Variants in PGM5 observed in about 807,000 individuals in gnomAD.
PGM5 encodes the protein phosphoglucomutase-like protein 5.
Under a neutral mutation model 59.2 loss-of-function variants are expected in PGM5, and 23 were observed. The observed-to-expected ratio is 0.39, with a 90% confidence interval of 0.28 to 0.55. PGM5 has a LOEUF of 0.55. Ranked by LOEUF, PGM5 falls within the 20% of genes least tolerant of loss-of-function variation. PGM5 has a pLI of 0.66. For synonymous variants in PGM5, 214 were observed against 286.0 expected (o/e 0.75, Z 2.54); for missense variants, 574 against 748.3 (o/e 0.77, Z 2.72).
intron 6 of PGM5, among the ~76,000 whole-genome samples, chr9:68,410,977 G>A (rs1378108796): frequency 6.6e-6 from 1 of 152,186 alleles, no homozygotes; most frequent in Admixed American, 6.5e-5. Context: ...ATTTCCTCAT[G>A]GAAAGGCCCC....
intron 6 of PGM5, among the ~76,000 whole-genome samples, chr9:68,435,884 T>C (rs982387006): frequency 1.4e-4 from 21 of 152,236 alleles, no homozygotes; most frequent in Admixed American, 7.9e-4. Flanking sequence ...CTTGTCACTC[T>C]TACTGCCACA....
intron 6 of PGM5, among the ~76,000 whole-genome samples, chr9:68,401,885 A>ATG (rs782427625): frequency 5.8e-5 from 6 of 104,136 alleles, no homozygotes; most frequent in Admixed American, 2.7e-4. Flanking sequence ...AGCTATATAT[A>ATG]TATATGTGTG....
intron 6 of PGM5, among the ~76,000 whole-genome samples, chr9:68,423,629 A>ATCTCTCTCTCTCTCTCTC (rs368417025): frequency 6.2e-5 from 8 of 129,442 alleles, no homozygotes; most frequent in African/African-American, 2.3e-4. Flanking sequence ...AGAGCACAAA[A>ATCTCTCTCTCTCTCTCTC]TCTCTCTCTC....
intron 10 of PGM5, among the ~76,000 whole-genome samples, chr9:68,525,907 T>G (rs1824965073): frequency 6.6e-6 from 1 of 151,882 alleles, no homozygotes; most frequent in Non-Finnish European, 1.5e-5. Context: ...ATACAAAAAA[T>G]TATCCGAGCA....
chr9:68,358,223 C>T (rs1342997261), intron 1 of PGM5, among the ~76,000 whole-genome samples: 1 of 152,208 alleles, frequency 6.6e-6, no homozygotes, highest in Non-Finnish European at 1.5e-5. Context: ...CATTTCATGC[C>T]TCTTCCCCTT....
chr9:68,482,300 T>C (rs1554687178), intron 8 of PGM5, among the ~76,000 whole-genome samples: 1 of 152,126 alleles, frequency 6.6e-6, no homozygotes, highest in Admixed American at 6.5e-5. Flanking sequence ...TTCTCCTTGG[T>C]TGGGTCTTTA....
chr9:68,368,638 G>T (rs1311904256), intron 1 of PGM5, among the ~76,000 whole-genome samples: 1 of 147,174 alleles, frequency 6.8e-6, no homozygotes, highest in Non-Finnish European at 1.5e-5. Flanking sequence ...TAGTTTTTAG[G>T]TTTTTTTTTT....
chr9:68,372,280 C>T (rs1474709875), intron 1 of PGM5, among the ~76,000 whole-genome samples: 9 of 146,134 alleles, frequency 6.2e-5, no homozygotes, highest in East Asian at 4.1e-4. Context: ...AATCTGCTCC[C>T]GCCTCTTCCA....
At chr9:68,447,772 T>C (rs945745626) in intron 6 of PGM5, among the ~76,000 whole-genome samples, 3 of 152,188 alleles carry the variant, frequency 2.0e-5, no homozygotes, top group Admixed American at 1.3e-4. Flanking sequence ...TAAGAACATC[T>C]TGGCATGATT....
intron 8 of PGM5, among the ~76,000 whole-genome samples, chr9:68,480,221 A>G (rs1341073565): frequency 6.6e-6 from 1 of 152,212 alleles, no homozygotes; most frequent in African/African-American, 2.4e-5. Context: ...TTTTCCATTC[A>G]TATTTATCAA....
intron 6 of PGM5, among the ~76,000 whole-genome samples, chr9:68,413,412 C>T (rs1369668611): frequency 6.6e-6 from 1 of 152,122 alleles, no homozygotes; most frequent in Non-Finnish European, 1.5e-5. Context: ...TGCAAACACA[C>T]AGACTCACAC....
chr9:68,454,133 G>A (rs1265490931), intron 6 of PGM5, among the ~76,000 whole-genome samples: 1 of 152,168 alleles, frequency 6.6e-6, no homozygotes, highest in Non-Finnish European at 1.5e-5. Context: ...TAGACAGAAG[G>A]AGGAGAATGC....
intron 6 of PGM5, among the ~76,000 whole-genome samples, chr9:68,408,714 C>T (rs1160569791): frequency 8.5e-5 from 13 of 152,180 alleles, no homozygotes; most frequent in Non-Finnish European, 1.6e-4. Flanking sequence ...TTAGGTCGAA[C>T]GTTTAAGTCT....
chr9:68,528,111 C>G (rs550099722), intron 10 of PGM5, among the ~76,000 whole-genome samples: 9 of 152,314 alleles, frequency 5.9e-5, no homozygotes, highest in African/African-American at 2.2e-4. Flanking sequence ...AATTCCTCTC[C>G]CCCTCCCAAA....
chr9:68,460,344 C>T (rs1363891421), intron 6 of PGM5, among the ~76,000 whole-genome samples: 1 of 152,142 alleles, frequency 6.6e-6, no homozygotes, highest in African/African-American at 2.4e-5. Context: ...ATGTCAGCAC[C>T]CCTGTGCTTA....
chr9:68,403,714 T>G (rs554554219), intron 6 of PGM5, among the ~76,000 whole-genome samples: 1 of 152,272 alleles, frequency 6.6e-6, no homozygotes, highest in East Asian at 1.9e-4. Context: ...TATTCCTTAT[T>G]TGTGAGGGCA....
intron 1 of PGM5, among the ~76,000 whole-genome samples, chr9:68,361,660 T>G (rs2131971378): frequency 6.6e-6 from 1 of 152,346 alleles, no homozygotes; most frequent in Non-Finnish European, 1.5e-5. Flanking sequence ...GGGCCTCTTT[T>G]ATAAGGGCAC....
At chr9:68,408,193 T>C (rs1327627748) in intron 6 of PGM5, among the ~76,000 whole-genome samples, 1 of 151,986 alleles carries the variant, frequency 6.6e-6, no homozygotes, top group Non-Finnish European at 1.5e-5. Flanking sequence ...ATGTGAAATG[T>C]GAGATTTGGA....
chr9:68,382,482 C>T (rs1262955626), intron 2 of PGM5, among the ~76,000 whole-genome samples: 14 of 151,748 alleles, frequency 9.2e-5, no homozygotes, highest in African/African-American at 3.1e-4. Flanking sequence ...ATCAAAAGCT[C>T]AGGCTACAAA....
Sources: allele counts gnomAD v4.1 joint callset (sites outside exome capture counted in the v4.1 genomes callset), GRCh38; gene constraint gnomAD v4.1.1; transcripts MANE v1.5; gene names NCBI Gene and HGNC (gene_info 2026-07-23, HGNC 2026-07-21).